TRAPPC8: variants seen among roughly 807,000 people sequenced by gnomAD.
TRAPPC8 encodes the protein trafficking protein particle complex subunit 8.
TRAPPC8 carries 54 observed loss-of-function variants against 174.3 expected under a neutral mutation model. That is an observed-to-expected ratio of 0.31 (90% confidence interval 0.25 to 0.39). The LOEUF (loss-of-function observed/expected upper bound fraction) is 0.39, where lower values mean the gene tolerates loss of function less well. Among genes scored for constraint, TRAPPC8 ranks in the 10% least tolerant of loss-of-function variants. The pLI, the probability that TRAPPC8 is intolerant of heterozygous loss-of-function variation, is 1.00. For synonymous variants in TRAPPC8, 630 were observed against 579.9 expected (o/e 1.09, Z -1.24); for missense variants, 1,531 against 1,699.1 (o/e 0.90, Z 1.74).
chr18:31,867,591 G>T (rs1054587731), intron 16 of TRAPPC8, 115 bp from the exon 17 acceptor site: 15 of 580,826 alleles, frequency 2.6e-5, no homozygotes, highest in Non-Finnish European at 3.9e-5. Context: ...GCATTTACTT[G>T]GTTTTTACCA....
chr18:31,858,072 T>TTA (rs397772558), intron 19 of TRAPPC8, 90 bp from the exon 20 acceptor site: 18 of 1,041,166 alleles, frequency 1.7e-5, no homozygotes, highest in Non-Finnish European at 2.4e-5. Flanking sequence ...TTTTTTTTTT[T>TTA]ACCAAAGGTT....
In TRAPPC8 at chr18:31,916,421, T is replaced by C; in HGVS notation, c.468A>G (p.Glu156=). The C allele has an allele frequency of 6.2e-7, 1 of 1,612,112 alleles. No individual in the cohort carries two copies. The change falls in exon 4 of 29, where the codon GAA becomes GAG. Residue 156 remains glutamate, a synonymous_variant. Coordinates refer to ENST00000283351, the MANE Select transcript of TRAPPC8 (RefSeq NM_014939.5). ...TTGAAAACTGTTCCACAGGTTCAGC[T>C]TCACTAGATGACGCTACCAACATAC... ...LACMLVASSS[E]AEPVEQFSKL...
chr18:31,884,740 C>G (rs1341090699), intron 12 of TRAPPC8, among the ~76,000 whole-genome samples: 1 of 152,042 alleles, frequency 6.6e-6, no homozygotes, highest in African/African-American at 2.4e-5. Flanking sequence ...GGTGTTGTAG[C>G]TCATGGCTGC....
chr18:31,908,696 C>T, intron 7 of TRAPPC8, 58 bp downstream of exon 7: 1 of 1,424,078 alleles, frequency 7.0e-7, no homozygotes, highest in Non-Finnish European at 9.3e-7. Flanking sequence ...TTTAATAATT[C>T]TTAAATTTAC....
chr18:31,882,658 T>C (rs62095544), intron 12 of TRAPPC8, among the ~76,000 whole-genome samples: 39,567 of 151,562 alleles, frequency 0.26, 5,661 homozygotes, highest in South Asian at 0.52. Flanking sequence ...GCTCTGTCGC[T>C]CAGGTTGGAG....
intron 9 of TRAPPC8, among the ~76,000 whole-genome samples, chr18:31,905,246 T>C (rs2036609736): frequency 6.6e-6 from 1 of 152,210 alleles, no homozygotes; most frequent in African/African-American, 2.4e-5. Context: ...TTTTTATTCA[T>C]ACATAATTTT....
intron 1 of TRAPPC8, among the ~76,000 whole-genome samples, chr18:31,932,309 C>A (rs1040121054): frequency 6.6e-6 from 1 of 151,854 alleles, no homozygotes; most frequent in East Asian, 1.9e-4. Flanking sequence ...TGCCTGTAAT[C>A]CCAGCTACTC....
intron 11 of TRAPPC8, among the ~76,000 whole-genome samples, chr18:31,897,280 T>C (rs1386022934): frequency 6.6e-6 from 1 of 152,234 alleles, no homozygotes; most frequent in African/African-American, 2.4e-5. Flanking sequence ...ATTACTTTTT[T>C]CTCTTTTAAA....
intron 21 of TRAPPC8, 145 bp from the exon 22 acceptor site, chr18:31,854,090 T>C (rs978857474): frequency 4.6e-6 from 3 of 649,524 alleles, no homozygotes; most frequent in Non-Finnish European, 7.8e-6. Context: ...CAAAAACTTA[T>C]TTAAATCCCT....
At chr18:31,869,691 A>C (rs986471960) in intron 16 of TRAPPC8, among the ~76,000 whole-genome samples, 2 of 152,246 alleles carry the variant, frequency 1.3e-5, no homozygotes, top group Non-Finnish European at 1.5e-5. Context: ...TAAAATATTA[A>C]GACACTTTGA....
chr18:31,871,859 T>TA lies in TRAPPC8; in HGVS notation c.2063-740dup, dbSNP rs989294014. ...CAATGCTACTATGAATATGACAATTTAAAAAAAAAATACTAAATCGTATCT... is the reference window on the plus strand; with the variant it reads ...CAATGCTACTATGAATATGACAATTTAAAAAAAAAAATACTAAATCGTATCT... On this transcript the variant is annotated intron_variant, in intron 14 of 28. Coordinates refer to ENST00000283351, the MANE Select transcript of TRAPPC8 (RefSeq NM_014939.5). Among the ~76,000 whole-genome samples, 472 of 150,002 alleles carry TA rather than the reference T, an allele frequency of 3.1e-3. 1 individual carries two copies. Among genetic ancestry groups the TA allele is most frequent in the Non-Finnish European group, 4.9e-3 (328 of 67,352 alleles).
Position 31,935,548 on chromosome 18 carries a change from TAA to T in TRAPPC8, c.158-4027_158-4026del, listed in dbSNP as rs10650702. ...GGGCAACAAGAGCGAAACTCCATCT[TAA>T]AAAAAAAAAAAAAAAAAAGCAGGCT... On this transcript the variant is annotated intron_variant, in intron 1 of 28. Coordinates refer to ENST00000283351, the MANE Select transcript of TRAPPC8 (RefSeq NM_014939.5). 1.5e-4 allele frequency among the ~76,000 whole-genome samples: 7 copies of T among 46,284 alleles called. 1 individual carries two copies. The highest frequency in any genetic ancestry group is 0.013 in the Middle Eastern group (1 of 78). 30.4% of individuals were successfully genotyped at this position (46,284 alleles called of 152,430 possible). A position where few individuals can be genotyped will look rare whatever the true frequency, so the allele number is the denominator to read the frequency against.
chr18:31,887,981 T>C (rs559290605), intron 12 of TRAPPC8, among the ~76,000 whole-genome samples: 3 of 152,156 alleles, frequency 2.0e-5, no homozygotes, highest in Non-Finnish European at 4.4e-5. Flanking sequence ...CTTCTTAAGC[T>C]GATAAGCAAC....
intron 9 of TRAPPC8, among the ~76,000 whole-genome samples, chr18:31,906,369 T>C (rs890742933): frequency 4.0e-5 from 6 of 148,518 alleles, no homozygotes; most frequent in African/African-American, 7.5e-5. Flanking sequence ...CAGAAAGCAA[T>C]AGTAATATAA....
At chr18:31,858,252 A>AC (rs76338764) in intron 19 of TRAPPC8, among the ~76,000 whole-genome samples, 94,202 of 151,944 alleles carry the variant, frequency 0.62, 29,643 homozygotes, top group South Asian at 0.76. Context: ...ACATGTCAAA[A>AC]TTTCACAACT....
At chr18:31,883,315 G>C (rs1160048237) in intron 12 of TRAPPC8, 1 of 151,660 alleles carries the variant, frequency 6.6e-6, no homozygotes, top group Non-Finnish European at 1.5e-5. Flanking sequence ...AAAAAGAAGG[G>C]ATGGGAAATT....
Position 31,870,467 on chromosome 18 carries a change from A to G in TRAPPC8, c.2293T>C (p.Leu765=), listed in dbSNP as rs767581024. The change falls in exon 16 of 29, where the codon TTG becomes CTG. Residue 765 remains leucine (L), a synonymous_variant. Transcript: ENST00000283351. Reference sequence around the variant, plus strand: ...TCAGTCAACAAAAGTAGAACTTTCAAAGGGTTTCTAAAAGCCACTTCCACT... The same window carrying G: ...TCAGTCAACAAAAGTAGAACTTTCAGAGGGTTTCTAAAAGCCACTTCCACT... ...ITVEVAFRNP[L]KVLLLLTDLS... 1.9e-6 allele frequency: 3 copies of G among 1,612,860 alleles called. No individual in the cohort carries two copies. The highest frequency in any genetic ancestry group is 2.5e-6 in the Non-Finnish European group (3 of 1,179,410).
intron 12 of TRAPPC8, among the ~76,000 whole-genome samples, chr18:31,880,514 A>C (rs1252010864): frequency 6.6e-6 from 1 of 152,086 alleles, no homozygotes; most frequent in African/African-American, 2.4e-5. Flanking sequence ...AATAAGACCC[A>C]TATATGACAA....
At chr18:31,831,678 T>C (rs946084119) in intron 28 of TRAPPC8, among the ~76,000 whole-genome samples, 2 of 152,170 alleles carry the variant, frequency 1.3e-5, no homozygotes, top group Non-Finnish European at 2.9e-5. Flanking sequence ...TATTAATAAA[T>C]TTATGATACA....
Sources: allele counts gnomAD v4.1 joint callset (sites outside exome capture counted in the v4.1 genomes callset), GRCh38; gene constraint gnomAD v4.1.1; transcripts MANE v1.5; gene names NCBI Gene and HGNC (gene_info 2026-07-23, HGNC 2026-07-21).